PPP2R5A: variants seen among roughly 807,000 people sequenced by gnomAD.
PPP2R5A encodes protein phosphatase 2 regulatory subunit B'alpha.
In PPP2R5A, 25 loss-of-function variants were observed where a neutral mutation model predicts 64.2. The observed-to-expected ratio is 0.39, with a 90% CI of 0.28 to 0.54. PPP2R5A has a LOEUF of 0.54. PPP2R5A is among the 20% of genes least tolerant of loss of function. The pLI, the probability that PPP2R5A is intolerant of heterozygous loss-of-function variation, is 0.67. For missense variants in PPP2R5A, 425 were observed against 576.3 expected, an observed-to-expected ratio of 0.74 and a Z score of 2.69; for synonymous variants, 198 against 201.2, an observed-to-expected ratio of 0.98 and a Z score of 0.13.
At chr1:212,311,759 A>G (rs1166698031) in intron 1 of PPP2R5A, among the ~76,000 whole-genome samples, 1 of 152,184 alleles carries the variant, frequency 6.6e-6, no homozygotes, top group Admixed American at 6.5e-5. Flanking sequence ...TAAAAAGTTA[A>G]AAAGTCTGAA....
At chr1:212,293,752 G>A (rs1327820090) in intron 1 of PPP2R5A, among the ~76,000 whole-genome samples, 2 of 151,344 alleles carry the variant, frequency 1.3e-5, no homozygotes, top group African/African-American at 2.4e-5. Flanking sequence ...GGGATTTCTT[G>A]GAAACACACT....
rs373017219 is a variant in PPP2R5A, at chr1:212,357,177, C to T, written c.1119C>T (p.Tyr373=). 6 of 1,586,984 alleles carry T rather than the reference C, an allele frequency of 3.8e-6. No homozygotes were observed. The African/African-American group carries it at 8.2e-5, about 22-fold the overall frequency. The change falls in exon 11 of 13, where the codon TAC becomes TAT. Residue 373 remains tyrosine, a synonymous_variant. Coordinates refer to ENST00000261461, the MANE Select transcript of PPP2R5A (RefSeq NM_006243.4). ...SHFQVAERAL[Y]FWNNEYILSL... is the part of the protein sequence containing the mutation. ...TTTAGGTTGCAGAAAGGGCATTGTA[C>T]TTCTGGAATAACGAATATATTCTTA...
intron 1 of PPP2R5A, among the ~76,000 whole-genome samples, chr1:212,325,511 A>G (rs67947916): frequency 0.12 from 17,699 of 152,120 alleles, 2,616 homozygotes; most frequent in African/African-American, 0.35. Flanking sequence ...TGATCACATA[A>G]TTGAAGTGGG....
chr1:212,318,731 C>T (rs749976971), intron 1 of PPP2R5A, among the ~76,000 whole-genome samples: 21 of 152,284 alleles, frequency 1.4e-4, no homozygotes, highest in Middle Eastern at 3.4e-3. Flanking sequence ...AGAATCTATA[C>T]AGACTATGTA....
chr1:212,315,000 C>A (rs929709489), intron 1 of PPP2R5A, among the ~76,000 whole-genome samples: 25 of 152,178 alleles, frequency 1.6e-4, no homozygotes, highest in Non-Finnish European at 2.8e-4. Flanking sequence ...AGCCACCACG[C>A]CCAGCCTAAT....
intron 1 of PPP2R5A, among the ~76,000 whole-genome samples, chr1:212,325,641 G>A (rs950966749): frequency 6.6e-6 from 1 of 151,794 alleles, no homozygotes; most frequent in African/African-American, 2.4e-5. Context: ...TCATCATTAT[G>A]GAATTTATAT....
intron 1 of PPP2R5A, among the ~76,000 whole-genome samples, chr1:212,291,512 A>C (rs1261065992): frequency 2.0e-5 from 3 of 152,226 alleles, no homozygotes; most frequent in Non-Finnish European, 4.4e-5. Context: ...TCCCAGGGTG[A>C]TTCTAACGCG....
intron 1 of PPP2R5A, among the ~76,000 whole-genome samples, chr1:212,314,877 T>G (rs1020400816): frequency 6.6e-6 from 1 of 151,948 alleles, no homozygotes; most frequent in Non-Finnish European, 1.5e-5. Context: ...TAGCTAAATT[T>G]TAAATTTTTC....
intron 12 of PPP2R5A, among the ~76,000 whole-genome samples, chr1:212,359,229 G>T (rs891146316): frequency 2.0e-5 from 3 of 151,978 alleles, no homozygotes; most frequent in Non-Finnish European, 4.4e-5. Flanking sequence ...TGTCCACGTG[G>T]GCTTCCAGAG....
chr1:212,302,152 A>G (rs1433557274), intron 1 of PPP2R5A: 25 of 1,405,066 alleles, frequency 1.8e-5, no homozygotes, highest in Non-Finnish European at 2.4e-5. Context: ...GAGAGAAATG[A>G]ATAGAGACTA....
In PPP2R5A at chr1:212,357,145, G is replaced by A. The variant is rs775336916; in HGVS notation, c.1099-12G>A. On this transcript the variant is annotated splice_polypyrimidine_tract_variant and intron_variant, in intron 10 of 12. Transcript: ENST00000261461. ...TTTTAGTTTTGACATTTCTCTAAAT[G>A]TCTTTTTTTAGGTTGCAGAAAGGGC... is the stretch of plus-strand genomic sequence containing the variant. The A allele has an allele frequency of 3.2e-5, 50 of 1,578,484 alleles. No individual in the cohort carries two copies. The South Asian group carries it at 5.7e-4, about 18-fold the overall frequency.
intron 1 of PPP2R5A, among the ~76,000 whole-genome samples, chr1:212,295,745 G>A (rs1160379328): frequency 1.3e-5 from 2 of 152,188 alleles, no homozygotes; most frequent in Non-Finnish European, 2.9e-5. Flanking sequence ...GTGGATAACT[G>A]TGGACAAGTC....
At chr1:212,345,283 C>T (rs1035708105) in intron 4 of PPP2R5A, among the ~76,000 whole-genome samples, 1 of 151,498 alleles carries the variant, frequency 6.6e-6, no homozygotes, top group African/African-American at 2.4e-5. Context: ...GTTAATTTTT[C>T]AAATGTCTGC....
At chr1:212,327,035 G>A (rs1179956998) in intron 1 of PPP2R5A, among the ~76,000 whole-genome samples, 1 of 152,170 alleles carries the variant, frequency 6.6e-6, no homozygotes, top group Non-Finnish European at 1.5e-5. Context: ...TTTAAGGACA[G>A]CAACTTGAAT....
intron 11 of PPP2R5A, chr1:212,357,796 C>CTGT (rs1184275553): frequency 1.6e-5 from 2 of 128,912 alleles, no homozygotes; most frequent in African/African-American, 2.8e-5. Flanking sequence ...GAGCAAGATT[C>CTGT]CGTCTCCAAA....
intron 1 of PPP2R5A, among the ~76,000 whole-genome samples, chr1:212,326,596 C>CA (rs1273987722): frequency 3.4e-4 from 51 of 149,634 alleles, no homozygotes; most frequent in Non-Finnish European, 4.3e-4. Flanking sequence ...GACTCCGTCT[C>CA]AAAAAAAAAG....
intron 1 of PPP2R5A, among the ~76,000 whole-genome samples, chr1:212,326,382 T>C (rs1659408038): frequency 6.6e-6 from 1 of 151,860 alleles, no homozygotes; most frequent in Non-Finnish European, 1.5e-5. Context: ...TCATTTGAGG[T>C]CAGGAGTTTG....
chr1:212,297,679 T>C (rs1210890169), intron 1 of PPP2R5A: 1 of 152,236 alleles, frequency 6.6e-6, no homozygotes, highest in East Asian at 1.9e-4. Flanking sequence ...ATTCTTCTGA[T>C]ATAAAAATGC....
intron 1 of PPP2R5A, among the ~76,000 whole-genome samples, chr1:212,295,883 CTGAG>C (rs1324906785): frequency 2.0e-5 from 3 of 152,100 alleles, no homozygotes; most frequent in South Asian, 2.1e-4. Context: ...ATTGTAAAAG[CTGAG>C]TGAGTAAGTA....
Sources: allele counts gnomAD v4.1 joint callset (sites outside exome capture counted in the v4.1 genomes callset), GRCh38; gene constraint gnomAD v4.1.1; transcripts MANE v1.5; gene names NCBI Gene and HGNC (gene_info 2026-07-23, HGNC 2026-07-21).